Variants in SERINC5 observed in about 807,000 individuals in gnomAD.
The protein encoded by SERINC5 is serine incorporator 5.
A neutral mutation model predicts 63.1 loss-of-function variants in SERINC5; 41 were observed. That is an observed-to-expected ratio of 0.65 (90% CI 0.51 to 0.84). The LOEUF is 0.84. Ranked by LOEUF, SERINC5 falls within the 40% of genes least tolerant of loss-of-function variation. The pLI is 0.00. For synonymous variants in SERINC5, 222 were observed against 215.2 expected (o/e 1.03, Z -0.28); for missense variants, 523 against 573.0 (o/e 0.91, Z 0.89).
chr5:80,197,274 T>G (rs184838481), intron 2 of SERINC5, among the ~76,000 whole-genome samples: 1 of 125,320 alleles, frequency 8.0e-6, no homozygotes, highest in Non-Finnish European at 1.7e-5. Flanking sequence ...TGCCACTGCG[T>G]TTCAGCCAGA....
At position 80,139,934 on chromosome 5, in the gene SERINC5, G is replaced by A; in HGVS notation, c.*3729C>T. ...ACTATTTGGAAAGGCAATAAAGGGAGTGTAAAAGCCTAGGTAGCTTAAATA... is the reference window on the plus strand; with the variant it reads ...ACTATTTGGAAAGGCAATAAAGGGAATGTAAAAGCCTAGGTAGCTTAAATA... On this transcript the variant is annotated 3_prime_UTR_variant, in exon 12 of 12. Transcript: ENST00000507668. 1 of 985,442 alleles carries A rather than the reference G, an allele frequency of 1.0e-6. No individual in the cohort carries two copies. The highest frequency in any genetic ancestry group is 1.2e-6 in the Non-Finnish European group (1 of 829,936). The allele number at this position is 985,442 out of a possible 1,614,324, so 61.0% of individuals were successfully genotyped here. A position where few individuals can be genotyped will look rare whatever the true frequency, so the allele number is the denominator to read the frequency against.
At chr5:80,216,684 A>G (rs752929519) in intron 1 of SERINC5, among the ~76,000 whole-genome samples, 3 of 151,880 alleles carry the variant, frequency 2.0e-5, no homozygotes, top group Non-Finnish European at 2.9e-5. Context: ...GGAGAAAACA[A>G]AAGTACCCAT....
rs139008561 is a variant in SERINC5 at position 80,123,247 on chromosome 5, C to T, written c.1239-9622G>A. On this transcript the variant is annotated intron_variant, in intron 11 of 12. Transcript: ENST00000509193. ...AGTAGCTAGGACTACAGGCACATGC[C>T]ACCATACTTGGCTGATTTTTTTAAA... Among the ~76,000 whole-genome samples the T allele has an allele frequency of 6.5e-4, 99 of 152,246 alleles. 1 individual carries two copies. The Middle Eastern group carries it at 0.02, about 31-fold the overall frequency.
At chr5:80,173,225 A>AAG (rs1747778677) in intron 5 of SERINC5, among the ~76,000 whole-genome samples, 4 of 137,850 alleles carry the variant, frequency 2.9e-5, no homozygotes, top group Non-Finnish European at 6.2e-5. Flanking sequence ...CAGGAAGGAA[A>AAG]GAAGGAAGGA....
At chr5:80,187,130 C>T (rs1396020157) in intron 2 of SERINC5, among the ~76,000 whole-genome samples, 3 of 152,022 alleles carry the variant, frequency 2.0e-5, no homozygotes, top group South Asian at 4.1e-4. Context: ...CACGCCACTG[C>T]ACTCCAGCTT....
Position 80,150,942 on chromosome 5 carries a change from T to G in SERINC5, c.993A>C (p.Thr331=), listed in dbSNP as rs761535027. 2.5e-5 allele frequency: 40 copies of G among 1,612,916 alleles called. No individual in the cohort carries two copies. The South Asian group carries it at 4.2e-4, about 17-fold the overall frequency. Residue 331 remains threonine, a synonymous_variant, in exon 9 of 12, where the codon ACA becomes ACC. Coordinates refer to ENST00000507668, the MANE Select transcript of SERINC5 (RefSeq NM_001174072.3). ...CGTCAGAACTCGATCTTGTTGTTGA[T>G]GTCAAACTAAGAAACAGACAAAAAC... The part of the protein sequence containing the change: ...LIGCILYSCL[T]STTRSSSDAL...
chr5:80,169,012 AAC>A (rs759009542), intron 6 of SERINC5, among the ~76,000 whole-genome samples: 95 of 152,330 alleles, frequency 6.2e-4, no homozygotes, highest in Non-Finnish European at 9.6e-4. Flanking sequence ...CAAGCTCATA[AAC>A]ACCTGATCTT....
Position 80,140,607 on chromosome 5 carries a change from G to C in SERINC5, c.*3056C>G, listed in dbSNP as rs559177004. 2.4e-5 allele frequency: 24 copies of C among 984,904 alleles called. No individual in the cohort carries two copies. Among genetic ancestry groups the C allele is most frequent in the Non-Finnish European group, 2.9e-5 (24 of 829,900 alleles). 61.0% of individuals were successfully genotyped at this position (984,904 alleles called of 1,614,324 possible). A position where few individuals can be genotyped will look rare whatever the true frequency, so the allele number is the denominator to read the frequency against. The stretch of plus-strand genomic sequence containing the variant: ...GGGCAAAAATAAAACTAACCAATCA[G>C]TATTTAAAAAGCTAGACACAGTAAA... On this transcript the variant is annotated 3_prime_UTR_variant, in exon 12 of 12. Coordinates refer to ENST00000507668, the MANE Select transcript of SERINC5 (RefSeq NM_001174072.3).
At position 80,229,021 on chromosome 5, in the gene SERINC5, C is replaced by CTT. The variant is rs1166636996; in HGVS notation, c.28-25970_28-25969dup. ...AAAATACCACCAATGTTTTACATAC[C>CTT]TTTTTTTTTTTTTTTTTTTTTTTTT... On this transcript the variant is annotated intron_variant, in intron 1 of 11. Coordinates refer to ENST00000507668, the MANE Select transcript of SERINC5 (RefSeq NM_001174072.3). Among the ~76,000 whole-genome samples the CTT allele has an allele frequency of 1.7e-3, 148 of 86,078 alleles. 9 individuals are homozygous for CTT. Among genetic ancestry groups the CTT allele is most frequent in the East Asian group, 5.6e-3 (15 of 2,682 alleles). The allele number at this position is 86,078 out of a possible 152,430, so 56.5% of individuals were successfully genotyped here. A position where few individuals can be genotyped will look rare whatever the true frequency, so the allele number is the denominator to read the frequency against.
chr5:80,165,585 G>A (rs368699254), intron 7 of SERINC5, among the ~76,000 whole-genome samples: 1 of 152,274 alleles, frequency 6.6e-6, no homozygotes, highest in East Asian at 1.9e-4. Flanking sequence ...CGACTTCAAA[G>A]CTCATGCTCT....
At chr5:80,158,728 C>T in intron 8 of SERINC5, 108 bp downstream of exon 8, 1 of 1,034,340 alleles carries the variant, frequency 9.7e-7, no homozygotes, top group Non-Finnish European at 1.4e-6. Flanking sequence ...GGTTATTTTC[C>T]CCCCTCCTCA....
chr5:80,124,793 A>C (rs1744680647), intron 11 of SERINC5, among the ~76,000 whole-genome samples: 1 of 152,078 alleles, frequency 6.6e-6, no homozygotes, highest in African/African-American at 2.4e-5. Flanking sequence ...AAGGACACAG[A>C]CTGAACCACC....
At chr5:80,241,172 A>C (rs1236899179) in intron 1 of SERINC5, among the ~76,000 whole-genome samples, 2 of 152,090 alleles carry the variant, frequency 1.3e-5, no homozygotes, top group Admixed American at 6.6e-5. Context: ...AGAACATCTT[A>C]AGAAATAAAA....
intron 8 of SERINC5, among the ~76,000 whole-genome samples, chr5:80,154,623 C>CA: frequency 6.6e-6 from 1 of 151,810 alleles, no homozygotes; most frequent in Non-Finnish European, 1.5e-5. Context: ...CAGAATGTAC[C>CA]AAAAAAATAA....
chr5:80,175,058 C>T lies in SERINC5; in HGVS notation c.458-11G>A. The T allele has an allele frequency of 6.4e-7, 1 of 1,559,970 alleles. No homozygotes were observed. The highest frequency in any genetic ancestry group is 8.7e-7 in the Non-Finnish European group (1 of 1,149,722). ...CCACATAGCGCCAGGCTGCAAAAGACCATGAAGAACACAATGAGGCAACCT... is the reference window on the plus strand; with the variant it reads ...CCACATAGCGCCAGGCTGCAAAAGATCATGAAGAACACAATGAGGCAACCT... On this transcript the variant is annotated splice_polypyrimidine_tract_variant and intron_variant, in intron 4 of 11. Transcript: ENST00000507668.
At position 80,178,169 on chromosome 5, in the gene SERINC5, G is replaced by A. The variant is rs562708252; in HGVS notation, c.196-105C>T. On this transcript the variant is annotated intron_variant, in intron 2 of 11. Coordinates refer to ENST00000507668, the MANE Select transcript of SERINC5 (RefSeq NM_001174072.3). Reference sequence around the variant, plus strand: ...ACAACATCCACTGTGGAAATGGATCGTGTGCATAAAGAAACAGACTGAGGA... The same window carrying A: ...ACAACATCCACTGTGGAAATGGATCATGTGCATAAAGAAACAGACTGAGGA... 444 of 629,388 alleles carry A rather than the reference G, an allele frequency of 7.1e-4. 1 individual carries two copies. Among genetic ancestry groups the A allele is most frequent in the Middle Eastern group, 4.6e-3 (18 of 3,884 alleles). The allele number at this position is 629,388 out of a possible 1,614,324, so 39.0% of individuals were successfully genotyped here. A position where few individuals can be genotyped will look rare whatever the true frequency, so the allele number is the denominator to read the frequency against.
intron 2 of SERINC5, among the ~76,000 whole-genome samples, chr5:80,182,414 T>C (rs1748492133): frequency 6.6e-6 from 1 of 151,822 alleles, no homozygotes; most frequent in Non-Finnish European, 1.5e-5. Flanking sequence ...TAGTAAAGTG[T>C]ATCAGACGTT....
At chr5:80,184,980 G>A (rs936443349) in intron 2 of SERINC5, among the ~76,000 whole-genome samples, 9 of 152,024 alleles carry the variant, frequency 5.9e-5, no homozygotes, top group African/African-American at 2.2e-4. Context: ...AGGTTCAAGC[G>A]ATTCTCCTGT....
At chr5:80,161,457 A>G (rs1746916519) in intron 7 of SERINC5, among the ~76,000 whole-genome samples, 1 of 152,116 alleles carries the variant, frequency 6.6e-6, no homozygotes, top group Non-Finnish European at 1.5e-5. Context: ...AGCAATGTTG[A>G]GCATTTTTTT....
Sources: gnomAD v4.1 joint callset for allele counts (sites outside exome capture counted in the v4.1 genomes callset) on GRCh38, gnomAD v4.1.1 for gene constraint, MANE v1.5 for transcripts, NCBI Gene and HGNC (gene_info 2026-07-23, HGNC 2026-07-21) for gene names.